DRC11: variants seen among roughly 807,000 people sequenced by gnomAD.
DRC11 encodes IQ and AAA domain-containing protein 1.
the DRC11 span, among the ~76,000 whole-genome samples, chr2:236,382,315 C>G: frequency 6.6e-6 from 1 of 152,180 alleles, no homozygotes; most frequent in East Asian, 1.9e-4. Context: ...GTGTTTAGCT[C>G]TTTACCAATA....
At chr2:236,490,866 C>A in the DRC11 span, among the ~76,000 whole-genome samples, 1 of 149,626 alleles carries the variant, frequency 6.7e-6, no homozygotes, top group South Asian at 2.1e-4. The surrounding 1 kb of genome is among the most constrained non-coding windows in gnomAD (Gnocchi z 5.5). Context: ...CCCCTTTAAG[C>A]TGCTTATATA....
chr2:236,429,787 G>A, the DRC11 span, among the ~76,000 whole-genome samples: 1 of 152,160 alleles, frequency 6.6e-6, no homozygotes, highest in East Asian at 1.9e-4. The surrounding 1 kb of genome is among the most constrained non-coding windows in gnomAD (Gnocchi z 5.9). Context: ...TCCAGTGGGG[G>A]ACAGGTAGGA....
At chr2:236,363,304 T>C in the DRC11 span, among the ~76,000 whole-genome samples, 1 of 152,242 alleles carries the variant, frequency 6.6e-6, no homozygotes, top group Non-Finnish European at 1.5e-5. The surrounding 1 kb of genome is among the most constrained non-coding windows in gnomAD (Gnocchi z 5.6). Flanking sequence ...GATCCTGTGA[T>C]ATCAGCACGT....
the DRC11 span, among the ~76,000 whole-genome samples, chr2:236,481,632 T>C: frequency 6.6e-6 from 1 of 152,152 alleles, no homozygotes; most frequent in Non-Finnish European, 1.5e-5. Context: ...TGTGTTTTTT[T>C]TCTAATTAAC....
At chr2:236,338,180 A>C in the DRC11 span, 1 of 1,606,598 alleles carries the variant, frequency 6.2e-7, no homozygotes, top group African/African-American at 1.3e-5. Context: ...GCTATCATGC[A>C]TGGGAAGGGG....
At chr2:236,374,934 C>A in the DRC11 span, among the ~76,000 whole-genome samples, 1 of 150,014 alleles carries the variant, frequency 6.7e-6, no homozygotes, top group East Asian at 2.0e-4. Context: ...CTCTTGACCT[C>A]AGGTGATCCG....
chr2:236,416,747 A>ATTTT, the DRC11 span, among the ~76,000 whole-genome samples: 41 of 56,046 alleles, frequency 7.3e-4, no homozygotes, highest in Non-Finnish European at 1.5e-3. Context: ...ATATATATAT[A>ATTTT]TATATATATA....
chr2:236,415,612 T>G, the DRC11 span, among the ~76,000 whole-genome samples: 2 of 152,222 alleles, frequency 1.3e-5, no homozygotes, highest in African/African-American at 4.8e-5. The surrounding 1 kb of genome is among the most constrained non-coding windows in gnomAD (Gnocchi z 5.7). Flanking sequence ...GCATTTTTCA[T>G]GAAAAACTTC....
chr2:236,355,434 C>T, the DRC11 span, among the ~76,000 whole-genome samples: 11 of 152,356 alleles, frequency 7.2e-5, no homozygotes, highest in South Asian at 8.3e-4. Flanking sequence ...ATGTGCATGT[C>T]GCTCCTCAGC....
At chr2:236,418,785 CCAGTGTTTA>C in the DRC11 span, among the ~76,000 whole-genome samples, 1 of 152,162 alleles carries the variant, frequency 6.6e-6, no homozygotes, top group Non-Finnish European at 1.5e-5. Flanking sequence ...TTTTGACTTT[CCAGTGTTTA>C]CTTGGTTTGT....
At chr2:236,484,824 T>G in the DRC11 span, among the ~76,000 whole-genome samples, 8 of 152,348 alleles carry the variant, frequency 5.3e-5, no homozygotes, top group African/African-American at 1.9e-4. Flanking sequence ...TTAAGTTTCC[T>G]TATGGGCACT....
chr2:236,454,699 G>A, the DRC11 span: 1 of 152,208 alleles, frequency 6.6e-6, no homozygotes, highest in South Asian at 2.1e-4. This position sits in a 1 kb window ranked among gnomAD's most constrained non-coding sequence, Gnocchi z 5.3. Context: ...GTCCTCAGAA[G>A]ATATCTATTG....
At chr2:236,358,385 G>GAAT in the DRC11 span, among the ~76,000 whole-genome samples, 1 of 128,076 alleles carries the variant, frequency 7.8e-6, no homozygotes, top group Non-Finnish European at 1.7e-5. Context: ...ATATATTTAT[G>GAAT]ATATATGAAT....
the DRC11 span, among the ~76,000 whole-genome samples, chr2:236,444,389 C>T: frequency 2.0e-5 from 3 of 152,170 alleles, no homozygotes. Flanking sequence ...TACTATTGTA[C>T]CATTGGTGCC....
At chr2:236,358,135 T>C in the DRC11 span, among the ~76,000 whole-genome samples, 2 of 116,450 alleles carry the variant, frequency 1.7e-5, no homozygotes, top group East Asian at 2.5e-4. Flanking sequence ...TATATATTTA[T>C]AATATATAAA....
the DRC11 span, among the ~76,000 whole-genome samples, chr2:236,357,753 TAA>T: frequency 7.9e-6 from 1 of 126,670 alleles, no homozygotes; most frequent in Non-Finnish European, 1.5e-5. Context: ...TGTAAATATA[TAA>T]ATATACATAT....
the DRC11 span, among the ~76,000 whole-genome samples, chr2:236,454,207 C>T: frequency 2.0e-5 from 3 of 152,176 alleles, no homozygotes; most frequent in Non-Finnish European, 4.4e-5. The surrounding 1 kb of genome is among the most constrained non-coding windows in gnomAD (Gnocchi z 5.3). Flanking sequence ...TGCCAAAGAG[C>T]CCCGAATCTG....
At chr2:236,434,934 A>T in the DRC11 span, among the ~76,000 whole-genome samples, 1 of 152,208 alleles carries the variant, frequency 6.6e-6, no homozygotes, top group South Asian at 2.1e-4. The surrounding 1 kb of genome is among the most constrained non-coding windows in gnomAD (Gnocchi z 5.5). Flanking sequence ...CAAAATGACA[A>T]TCACTCAAGG....
At chr2:236,407,270 A>G in the DRC11 span, among the ~76,000 whole-genome samples, 1 of 152,194 alleles carries the variant, frequency 6.6e-6, no homozygotes, top group Non-Finnish European at 1.5e-5. Flanking sequence ...CTTTGATGGT[A>G]TCTGGGTTAA....
Sources: gnomAD v4.1 joint callset for allele counts (sites outside exome capture counted in the v4.1 genomes callset) on GRCh38, gnomAD v4.1.1 for gene constraint, Gnocchi (gnomAD v3.1) non-coding constraint, MANE v1.5 for transcripts, NCBI Gene and HGNC (gene_info 2026-07-23, HGNC 2026-07-21) for gene names.